TRPC5OS: variants seen among roughly 807,000 people sequenced by gnomAD.
The protein encoded by TRPC5OS is putative uncharacterized protein TRPC5OS.
For synonymous variants in TRPC5OS, 30 were observed against 29.3 expected (o/e 1.02, Z -0.08); for missense variants, 64 against 79.3 (o/e 0.81, Z 0.73).
At chrX:111,884,309 G>C (rs898719744) in intron 1 of TRPC5OS, among the ~76,000 whole-genome samples, 2 of 112,462 alleles carry the variant, frequency 1.8e-5, no homozygotes, top group Non-Finnish European at 3.8e-5. Context: ...CCCAGTTTAG[G>C]CCTAAATCTA....
At chrX:111,898,557 C>T (rs780563232) in intron 3 of TRPC5OS, among the ~76,000 whole-genome samples, 2 of 109,645 alleles carry the variant, frequency 1.8e-5, no homozygotes, top group South Asian at 7.9e-4. Flanking sequence ...TTCAAAGACA[C>T]TTACTGATTA....
At chrX:111,883,757 G>T (rs774291792) in intron 1 of TRPC5OS, among the ~76,000 whole-genome samples, 1 of 112,480 alleles carries the variant, frequency 8.9e-6, no homozygotes, top group East Asian at 2.8e-4. Context: ...CCTAATTTAG[G>T]TCTAGTCAGA....
At chrX:111,882,112 G>A (rs1924253445) in intron 1 of TRPC5OS, 1 of 112,232 alleles carries the variant, frequency 8.9e-6, no homozygotes, top group South Asian at 3.7e-4. Context: ...GGAATGCTAT[G>A]TTATGTTTTA....
rs1221305892 is a variant in TRPC5OS at position 111,903,363 on chromosome X, A to C, written c.*1178A>C. On this transcript the variant is annotated 3_prime_UTR_variant, in exon 4 of 4. Transcript: ENST00000635763. ...GTTTTCAGGAGAGAGAAGCAAATTA[A>C]TAAATTGTCAACAGTTATGCGACGG... is the stretch of plus-strand genomic sequence containing the variant. The C allele has an allele frequency of 2.7e-5, 3 of 112,442 alleles. No homozygotes were observed. The East Asian group carries it at 8.4e-4, about 31-fold the overall frequency. The allele number at this position is 112,442 out of a possible 1,213,427, so 9.3% of individuals were successfully genotyped here.
Position 111,885,555 on chromosome X carries a change from T to A in TRPC5OS, c.-546+9282T>A, listed in dbSNP as rs762444126. ...TCTAATCAAAGGGTTTTTTTTTTTTTTTAAAAAAAGAAAACTTTTCTTTGT... is the reference window on the plus strand; with the variant it reads ...TCTAATCAAAGGGTTTTTTTTTTTTATTAAAAAAAGAAAACTTTTCTTTGT... On this transcript the variant is annotated intron_variant, in intron 1 of 3. Coordinates refer to ENST00000635763, the MANE Select transcript of TRPC5OS (RefSeq NM_001195578.2). Among the ~76,000 whole-genome samples the A allele has an allele frequency of 3.3e-3, 358 of 108,768 alleles. 2 individuals carry two copies. In the South Asian group the frequency reaches 0.053, roughly 16 times the overall value. The allele number at this position is 108,768 out of a possible 115,157, so 94.5% of individuals were successfully genotyped here.
chrX:111,896,824 T>C (rs1354940726), intron 3 of TRPC5OS, among the ~76,000 whole-genome samples: 1 of 112,050 alleles, frequency 8.9e-6, no homozygotes, highest in East Asian at 2.8e-4. Context: ...TCTTTACTTA[T>C]GTGATCATGG....
intron 1 of TRPC5OS, among the ~76,000 whole-genome samples, chrX:111,885,971 T>C (rs1214492818): frequency 8.9e-6 from 1 of 112,048 alleles, no homozygotes; most frequent in Non-Finnish European, 1.9e-5. Flanking sequence ...AAAGCCAATA[T>C]TCCCCTTAAA....
chrX:111,885,817 A>G (rs1924465884), intron 1 of TRPC5OS, among the ~76,000 whole-genome samples: 1 of 111,539 alleles, frequency 9.0e-6, no homozygotes, highest in African/African-American at 3.3e-5. Flanking sequence ...GCATCTCCCC[A>G]TAATTAAACA....
chrX:111,900,232 G>A (rs1925273996), intron 3 of TRPC5OS, among the ~76,000 whole-genome samples: 1 of 111,810 alleles, frequency 8.9e-6, no homozygotes, highest in Admixed American at 9.5e-5. Context: ...TGAAAACTGG[G>A]CAATAATAGA....
intron 1 of TRPC5OS, among the ~76,000 whole-genome samples, chrX:111,894,075 A>G (rs890546568): frequency 2.7e-5 from 3 of 111,518 alleles, no homozygotes; most frequent in Non-Finnish European, 3.8e-5. Context: ...AGAAGGGAAC[A>G]CTATGGAAAA....
At chrX:111,898,225 T>C (rs1038212658) in intron 3 of TRPC5OS, among the ~76,000 whole-genome samples, 19 of 103,852 alleles carry the variant, frequency 1.8e-4, no homozygotes, top group African/African-American at 5.6e-4. Context: ...GTTGTTTGTC[T>C]TTTTATTATT....
chrX:111,884,903 G>A (rs972482595), intron 1 of TRPC5OS, among the ~76,000 whole-genome samples: 5 of 112,584 alleles, frequency 4.4e-5, no homozygotes, highest in Admixed American at 3.8e-4. Context: ...GCCTAGAAAA[G>A]CTGTGGTCAG....
Position 111,902,225 on chromosome X carries a change from G to A in TRPC5OS, c.*40G>A. On this transcript the variant is annotated 3_prime_UTR_variant, in exon 4 of 4. Coordinates refer to ENST00000635763, the MANE Select transcript of TRPC5OS (RefSeq NM_001195578.2). ...CCCCGTCCCCAGGGATGTGAAAACT[G>A]ATCATTTCTCTGTTTTAATATATTC... 3 of 879,804 alleles carry A rather than the reference G, an allele frequency of 3.4e-6. No individual in the cohort carries two copies. Among genetic ancestry groups the A allele is most frequent in the Non-Finnish European group, 4.6e-6 (3 of 655,950 alleles). 72.5% of individuals were successfully genotyped at this position (879,804 alleles called of 1,213,427 possible). A position where few individuals can be genotyped will look rare whatever the true frequency, so the allele number is the denominator to read the frequency against.
At chrX:111,881,587 T>C (rs1266843699) in intron 1 of TRPC5OS, among the ~76,000 whole-genome samples, 1 of 111,667 alleles carries the variant, frequency 9.0e-6, no homozygotes, top group Non-Finnish European at 1.9e-5. Flanking sequence ...GGTGGAGTGT[T>C]ACATACATGA....
At chrX:111,898,849 G>T (rs1330380791) in intron 3 of TRPC5OS, among the ~76,000 whole-genome samples, 2 of 110,149 alleles carry the variant, frequency 1.8e-5, no homozygotes, top group Non-Finnish European at 1.9e-5. Flanking sequence ...ATATCAGAAT[G>T]ACACGAAATC....
chrX:111,902,062 C>T lies in TRPC5OS; in HGVS notation c.213C>T (p.Asp71=), dbSNP rs1283349488. The change falls in exon 4 of 4, where the codon GAC becomes GAT. Residue 71 remains aspartate (D), a synonymous_variant. Transcript: ENST00000635763. ...LPDLPDLSDL[D]SILTPREDED... is the part of the protein sequence containing the mutation. ...ATCTCCCTGATCTCTCAGACTTAGACTCAATACTTACACCAAGAGAGGATG... is the reference window on the plus strand; with the variant it reads ...ATCTCCCTGATCTCTCAGACTTAGATTCAATACTTACACCAAGAGAGGATG... 5 of 1,153,243 alleles carry T rather than the reference C, an allele frequency of 4.3e-6. No individual in the cohort carries two copies. The highest frequency in any genetic ancestry group is 1.8e-5 in the African/African-American group (1 of 55,524).
chrX:111,892,756 T>C (rs996336998), intron 1 of TRPC5OS, among the ~76,000 whole-genome samples: 4 of 111,920 alleles, frequency 3.6e-5, no homozygotes, highest in South Asian at 3.8e-4. Context: ...AACTATGAGA[T>C]GAATTGTGTC....
At chrX:111,896,359 CT>C (rs748198990) in intron 2 of TRPC5OS, 47 bp from the exon 3 acceptor site, 149 of 97,581 alleles carry the variant, frequency 1.5e-3, no homozygotes, top group Admixed American at 1.8e-3. Flanking sequence ...CGCAATTTAT[CT>C]TTTTTTTTTT....
At chrX:111,892,156 C>T (rs753955954) in intron 1 of TRPC5OS, among the ~76,000 whole-genome samples, 1 of 112,047 alleles carries the variant, frequency 8.9e-6, no homozygotes, top group Non-Finnish European at 1.9e-5. Flanking sequence ...TAGTCTTTCT[C>T]TTATCAAATT....
Sources: gnomAD v4.1 joint callset for allele counts (sites outside exome capture counted in the v4.1 genomes callset) on GRCh38, gnomAD v4.1.1 for gene constraint, MANE v1.5 for transcripts, NCBI Gene and HGNC (gene_info 2026-07-23, HGNC 2026-07-21) for gene names.